Variants in REV3L observed in about 807,000 individuals in gnomAD.
The protein encoded by REV3L is DNA polymerase zeta catalytic subunit.
A neutral mutation model predicts 299.4 loss-of-function variants in REV3L; 69 were observed. That is an observed-to-expected ratio of 0.23 (90% CI 0.19 to 0.28). The LOEUF is 0.28. Among genes scored for constraint, REV3L ranks in the 10% least tolerant of loss-of-function variants. The probability of loss-of-function intolerance (pLI) is 1.00; values close to 1 mark genes in which losing one functional copy is unlikely to be tolerated. For missense variants in REV3L, 3,128 were observed against 3,693.8 expected (o/e 0.85, Z 3.97); for synonymous variants, 1,238 against 1,271.4 (o/e 0.97, Z 0.56).
At chr6:111,450,292 A>G (rs1789340473) in intron 1 of REV3L, among the ~76,000 whole-genome samples, 1 of 151,988 alleles carries the variant, frequency 6.6e-6, no homozygotes. Flanking sequence ...CAGCCTGGGC[A>G]ACATTGTGAG....
chr6:111,412,070 G>A, intron 2 of REV3L: 1 of 984,780 alleles, frequency 1.0e-6, no homozygotes, highest in Non-Finnish European at 1.2e-6. Flanking sequence ...TTATTCAGCT[G>A]TTTATTATTA....
At chr6:111,308,413 C>G (rs772170577) in intron 30 of REV3L, among the ~76,000 whole-genome samples, 12 of 152,146 alleles carry the variant, frequency 7.9e-5, no homozygotes, top group Non-Finnish European at 1.3e-4. Context: ...TCATCTAACA[C>G]AAAGCCTATT....
At chr6:111,377,890 C>G (rs567561702) in intron 11 of REV3L, 47 bp from the exon 12 acceptor site, 2 of 1,522,468 alleles carry the variant, frequency 1.3e-6, no homozygotes, top group Admixed American at 2.0e-5. Context: ...TTAGTAAAGA[C>G]CATCTCAGAT....
In REV3L at chr6:111,349,294, T is replaced by C; in HGVS notation, c.7343A>G (p.Tyr2448Cys). 2 of 1,605,530 alleles carry C rather than the reference T, an allele frequency of 1.2e-6. No homozygotes were observed. The highest frequency in any genetic ancestry group is 1.7e-4 in the Middle Eastern group (1 of 6,036). Reference protein sequence around the residue: ...ENRFAAERDEYGSYTMSEINI... With the variant: ...ENRFAAERDECGSYTMSEINI... The stretch of plus-strand genomic sequence containing the variant: ...TATCTCACTCATTGTATATGATCCA[T>C]ACTCATCTCTTTCAGCTGCAAATCT... The change falls in exon 20 of 32, where the codon TAT (tyrosine) becomes TGT (cysteine). Residue 2448 changes from tyrosine to cysteine, a missense_variant. Tyr to Cys is a radical substitution (Grantham distance 194, BLOSUM62 -2). Coordinates refer to ENST00000368802, the MANE Select transcript of REV3L (RefSeq NM_001372078.1).
chr6:111,382,599 G>C (rs529243451), intron 9 of REV3L, among the ~76,000 whole-genome samples: 2 of 152,194 alleles, frequency 1.3e-5, no homozygotes, highest in Non-Finnish European at 2.9e-5. Flanking sequence ...CTGAGTTGCA[G>C]CCAGCCTTAC....
At chr6:111,426,853 C>A (rs752149238) in intron 1 of REV3L, among the ~76,000 whole-genome samples, 1 of 152,162 alleles carries the variant, frequency 6.6e-6, no homozygotes, top group Non-Finnish European at 1.5e-5. Context: ...ACAGTAGTTT[C>A]AAGCACAAAT....
At chr6:111,458,198 C>A (rs1319399711) in intron 1 of REV3L, among the ~76,000 whole-genome samples, 2 of 151,926 alleles carry the variant, frequency 1.3e-5, no homozygotes, top group African/African-American at 4.8e-5. Flanking sequence ...CACGATATGA[C>A]CATCTCAATA....
At position 111,374,535 on chromosome 6, in the gene REV3L, C is replaced by G; in HGVS notation, c.3820G>C (p.Val1274Leu). 1 of 1,614,026 alleles carries G rather than the reference C, an allele frequency of 6.2e-7. No individual in the cohort carries two copies. The highest frequency in any genetic ancestry group is 2.2e-5 in the East Asian group (1 of 44,858). The change falls in exon 13 of 32, where the codon GTA (valine) becomes CTA (leucine). Residue 1274 changes from valine (V) to leucine (L), a missense_variant. Val to Leu is a conservative substitution (Grantham distance 32, BLOSUM62 1). Around this residue, in one of 9 missense-constraint regions of REV3L, gnomAD observed 2,409 missense variants for 2,611.8 expected, o/e 0.92. Coordinates refer to ENST00000368802, the MANE Select transcript of REV3L (RefSeq NM_001372078.1). The part of the protein sequence containing the change: ...QKDMPLMGSA[V>L]DHPLSASLPT... ...AGGGAAGCAGAAAGGGGATGATCTA[C>G]AGCAGAGCCCATTAGTGGCATATCT...
intron 20 of REV3L, among the ~76,000 whole-genome samples, chr6:111,344,360 A>T (rs200118926): frequency 7.5e-6 from 1 of 134,004 alleles, no homozygotes; most frequent in Non-Finnish European, 1.7e-5. Context: ...TATTGACAGA[A>T]GCATTGTCAA....
At chr6:111,323,954 A>C (rs1014973808) in intron 25 of REV3L, among the ~76,000 whole-genome samples, 21 of 152,168 alleles carry the variant, frequency 1.4e-4, no homozygotes, top group African/African-American at 4.8e-4. Flanking sequence ...ATAAATAATA[A>C]AACTAGTAGT....
At chr6:111,459,657 A>T (rs998876160) in intron 1 of REV3L, among the ~76,000 whole-genome samples, 4 of 152,082 alleles carry the variant, frequency 2.6e-5, no homozygotes, top group Non-Finnish European at 4.4e-5. Context: ...GGCCAAAAAA[A>T]AATTGAAAAA....
chr6:111,324,095 G>C (rs952429617), intron 25 of REV3L, among the ~76,000 whole-genome samples: 2 of 152,168 alleles, frequency 1.3e-5, no homozygotes. Context: ...TGCCTCCTGG[G>C]TTCAAGCAAT....
intron 21 of REV3L, among the ~76,000 whole-genome samples, chr6:111,343,312 T>C (rs779901711): frequency 6.6e-6 from 1 of 152,226 alleles, no homozygotes; most frequent in African/African-American, 2.4e-5. Context: ...AGATAGATTA[T>C]GAATATTTCC....
chr6:111,455,125 A>G (rs1790018515), intron 1 of REV3L, among the ~76,000 whole-genome samples: 1 of 152,214 alleles, frequency 6.6e-6, no homozygotes, highest in African/African-American at 2.4e-5. Flanking sequence ...CTGCTTTAAC[A>G]GGGATACAAA....
At chr6:111,313,137 TG>T in intron 28 of REV3L, 2 of 382,466 alleles carry the variant, frequency 5.2e-6, no homozygotes, top group Middle Eastern at 1.4e-3. Context: ...CACTCCAGCC[TG>T]GGTGACAAAG....
Position 111,331,802 on chromosome 6 carries a change from A to G in REV3L, c.7926-18T>C. 1 of 1,445,714 alleles carries G rather than the reference A, an allele frequency of 6.9e-7. No homozygotes were observed. Among genetic ancestry groups the G allele is most frequent in the South Asian group, 1.2e-5 (1 of 86,034 alleles). 89.6% of individuals were successfully genotyped at this position (1,445,714 alleles called of 1,614,324 possible). A position where few individuals can be genotyped will look rare whatever the true frequency, so the allele number is the denominator to read the frequency against. ...CATCATACCTGTTAAGAAAGAGAAC[A>G]TTAAGCAAATACTTCCTCAAATCAT... On this transcript the variant is annotated intron_variant, in intron 23 of 31. Coordinates refer to ENST00000368802, the MANE Select transcript of REV3L (RefSeq NM_001372078.1).
chr6:111,414,792 C>T (rs1486242959), intron 2 of REV3L, among the ~76,000 whole-genome samples: 1 of 152,152 alleles, frequency 6.6e-6, no homozygotes, highest in African/African-American at 2.4e-5. Flanking sequence ...ACAATCCTTA[C>T]CCAAACACAA....
intron 1 of REV3L, among the ~76,000 whole-genome samples, chr6:111,455,829 C>T (rs2128320833): frequency 6.6e-6 from 1 of 152,278 alleles, no homozygotes; most frequent in African/African-American, 2.4e-5. Flanking sequence ...TTTCACTTTT[C>T]TTTTATGTAT....
Position 111,373,857 on chromosome 6 carries a change from T to C in REV3L, c.4498A>G (p.Ile1500Val), listed in dbSNP as rs758293812. The C allele has an allele frequency of 1.5e-5, 25 of 1,613,982 alleles. No homozygotes were observed. Among genetic ancestry groups the C allele is most frequent in the Non-Finnish European group, 1.9e-5 (22 of 1,179,996 alleles). ...RVKPRSLSEA[I>V]SQTKALSQCK... Reference sequence around the variant, plus strand: ...TGAGAAAGTGCTTTGGTTTGTGAAATTGCTTCTGATAACGACCTCGGTTTT... The same window carrying C: ...TGAGAAAGTGCTTTGGTTTGTGAAACTGCTTCTGATAACGACCTCGGTTTT... Residue 1500 changes from isoleucine to valine, a missense_variant, in exon 13 of 32, where the codon ATT becomes GTT. By Grantham distance (29) the Ile-to-Val change is conservative (BLOSUM62 3). Around this residue, in one of 9 missense-constraint regions of REV3L, gnomAD observed 2,409 missense variants for 2,611.8 expected, o/e 0.92. Transcript: ENST00000368802.
Sources: allele counts gnomAD v4.1 joint callset (sites outside exome capture counted in the v4.1 genomes callset), GRCh38; gene constraint gnomAD v4.1.1; regional missense constraint gnomAD v4.1.1; transcripts MANE v1.5; gene names NCBI Gene and HGNC (gene_info 2026-07-23, HGNC 2026-07-21).